SNX29: variants seen among roughly 807,000 people sequenced by gnomAD.
The protein encoded by SNX29 is sorting nexin 29, also known as sorting nexin-29.
Under a neutral mutation model 102.1 loss-of-function variants are expected in SNX29, and 78 were observed. That is an observed-to-expected ratio of 0.76 (90% CI 0.64 to 0.92). The LOEUF is 0.92. SNX29 is among the 40% of genes least tolerant of loss of function. The probability of loss-of-function intolerance (pLI) is 0.00; values close to 1 mark genes in which losing one functional copy is unlikely to be tolerated. For synonymous variants in SNX29, 580 were observed against 414.5 expected (o/e 1.40, Z -4.85); for missense variants, 1,280 against 1,061.7 (o/e 1.21, Z -2.86).
chr16:12,082,289 G>C (rs2051939581), intron 11 of SNX29, among the ~76,000 whole-genome samples: 1 of 152,200 alleles, frequency 6.6e-6, no homozygotes, highest in East Asian at 1.9e-4. Flanking sequence ...AGGCATCCCT[G>C]TGTGCCCTGG....
chr16:12,050,516 T>C (rs76693788), intron 7 of SNX29, among the ~76,000 whole-genome samples: 1 of 152,146 alleles, frequency 6.6e-6, no homozygotes, highest in East Asian at 1.9e-4. Context: ...GTGGTTAGAT[T>C]GGAAGATCCA....
chr16:11,993,034 G>C (rs190163096), intron 1 of SNX29, among the ~76,000 whole-genome samples: 1 of 152,012 alleles, frequency 6.6e-6, no homozygotes, highest in Admixed American at 6.6e-5. Context: ...GCGTGGTGGT[G>C]GGCACCCGTA....
chr16:12,191,166 A>G (rs1407534153), intron 13 of SNX29, among the ~76,000 whole-genome samples: 1 of 152,140 alleles, frequency 6.6e-6, no homozygotes, highest in African/African-American at 2.4e-5. Flanking sequence ...AGTTCACAAT[A>G]GGGTTCGTGC....
At chr16:12,265,933 A>G (rs909980989) in intron 14 of SNX29, among the ~76,000 whole-genome samples, 3 of 152,094 alleles carry the variant, frequency 2.0e-5, no homozygotes, top group African/African-American at 7.2e-5. Context: ...GCATGAGAAT[A>G]GAAAGTAATT....
intron 20 of SNX29, among the ~76,000 whole-genome samples, chr16:12,551,732 G>GACAAGAAAT (rs1181961580): frequency 6.6e-6 from 1 of 152,204 alleles, no homozygotes; most frequent in African/African-American, 2.4e-5. Context: ...GGGGACAGCT[G>GACAAGAAAT]ACAAGAAATA....
At chr16:12,190,282 C>T (rs1181776430) in intron 13 of SNX29, among the ~76,000 whole-genome samples, 1 of 152,098 alleles carries the variant, frequency 6.6e-6, no homozygotes, top group African/African-American at 2.4e-5. Context: ...TCACTGACCA[C>T]ACCGAGACTC....
chr16:12,232,354 C>G (rs985463967), intron 14 of SNX29, among the ~76,000 whole-genome samples: 7 of 152,174 alleles, frequency 4.6e-5, no homozygotes, highest in African/African-American at 1.7e-4. Context: ...TGGTGAAACC[C>G]CGTCTCTACT....
At chr16:12,081,462 T>A (rs2051873302) in intron 11 of SNX29, 1 of 151,894 alleles carries the variant, frequency 6.6e-6, no homozygotes, top group South Asian at 2.1e-4. Context: ...GACCAAGAAA[T>A]CACAGCTTCT....
intron 20 of SNX29, among the ~76,000 whole-genome samples, chr16:12,550,786 G>A (rs1214603731): frequency 2.1e-5 from 3 of 142,702 alleles, no homozygotes; most frequent in Non-Finnish European, 3.0e-5. Flanking sequence ...GAATAGCTGA[G>A]ATAAGGAAGA....
At chr16:12,158,204 T>A (rs906073938) in intron 13 of SNX29, among the ~76,000 whole-genome samples, 11 of 152,140 alleles carry the variant, frequency 7.2e-5, no homozygotes, top group South Asian at 2.1e-4. Flanking sequence ...TTAATTTTTT[T>A]ATTTTTATTT....
intron 13 of SNX29, among the ~76,000 whole-genome samples, chr16:12,180,702 G>T (rs1005504625): frequency 1.3e-5 from 2 of 152,124 alleles, no homozygotes; most frequent in African/African-American, 4.8e-5. Flanking sequence ...AGCCAGGATG[G>T]TCTCGATCTC....
At chr16:12,227,213 T>C (rs1260351707) in intron 14 of SNX29, among the ~76,000 whole-genome samples, 1 of 152,326 alleles carries the variant, frequency 6.6e-6, no homozygotes, top group African/African-American at 2.4e-5. Flanking sequence ...ACTTCCCTTG[T>C]CATCCCACAG....
intron 20 of SNX29, among the ~76,000 whole-genome samples, chr16:12,556,724 G>C (rs780619048): frequency 6.6e-6 from 1 of 152,148 alleles, no homozygotes; most frequent in African/African-American, 2.4e-5. Flanking sequence ...CTTGGATTTT[G>C]TTTGGAATGT....
chr16:12,199,535 C>A, intron 13 of SNX29, 66 bp from the exon 14 acceptor site: 8 of 1,393,996 alleles, frequency 5.7e-6, no homozygotes, highest in Non-Finnish European at 7.9e-6. Flanking sequence ...CCACCCCTGC[C>A]CCCTCCTGTG....
At chr16:12,048,020 C>T (rs7196418) in intron 6 of SNX29, among the ~76,000 whole-genome samples, 60,569 of 151,786 alleles carry the variant, frequency 0.4, 12,693 homozygotes, top group Middle Eastern at 0.51. Context: ...AGCCTGATCC[C>T]GGAACTTGTG....
intron 20 of SNX29, chr16:12,545,706 G>C (rs1484095813): frequency 6.6e-6 from 1 of 152,282 alleles, no homozygotes; most frequent in African/African-American, 2.4e-5. Flanking sequence ...GTGCAAGGTG[G>C]GTGGCCAGAG....
intron 18 of SNX29, among the ~76,000 whole-genome samples, chr16:12,461,228 G>A (rs1049787216): frequency 3.3e-4 from 50 of 152,176 alleles, no homozygotes; most frequent in Non-Finnish European, 8.8e-5. Flanking sequence ...GCTCAGCTCA[G>A]TATCTCTCCT....
At chr16:12,357,955 A>G (rs1178713792) in intron 16 of SNX29, among the ~76,000 whole-genome samples, 1 of 152,146 alleles carries the variant, frequency 6.6e-6, no homozygotes, top group African/African-American at 2.4e-5. Flanking sequence ...GCTTGGATTC[A>G]GGTTTAATTT....
At chr16:12,538,164 A>G (rs1412786412) in intron 20 of SNX29, among the ~76,000 whole-genome samples, 1 of 152,118 alleles carries the variant, frequency 6.6e-6, no homozygotes, top group African/African-American at 2.4e-5. Context: ...CACCCAGAAT[A>G]GAGTGCAGTG....
Sources: gnomAD v4.1 joint callset for allele counts (sites outside exome capture counted in the v4.1 genomes callset) on GRCh38, gnomAD v4.1.1 for gene constraint, MANE v1.5 for transcripts, NCBI Gene and HGNC (gene_info 2026-07-23, HGNC 2026-07-21) for gene names.